The following DOCK3 variants were observed in gnomAD, a reference collection of about 807,000 sequenced individuals.
The protein encoded by DOCK3 is dedicator of cytokinesis 3.
Under a neutral mutation model 265.6 loss-of-function variants are expected in DOCK3, and 60 were observed. That is an observed-to-expected ratio of 0.23 (90% confidence interval 0.18 to 0.28). DOCK3 has a LOEUF of 0.28. DOCK3 is among the 10% of genes least tolerant of loss of function. The pLI is 1.00. For synonymous variants in DOCK3, 881 were observed against 938.0 expected (o/e 0.94, Z 1.11); for missense variants, 1,981 against 2,594.3 (o/e 0.76, Z 5.14).
At chr3:51,375,567 C>A (rs2088040925) in intron 50 of DOCK3, among the ~76,000 whole-genome samples, 181 bp from the exon 51 acceptor site, 1 of 152,144 alleles carries the variant, frequency 6.6e-6, no homozygotes, top group African/African-American at 2.4e-5. Context: ...AACCAGACAC[C>A]CTGGACAGTC....
intron 22 of DOCK3, among the ~76,000 whole-genome samples, chr3:51,259,666 A>G (rs1560302818): frequency 6.6e-6 from 1 of 152,198 alleles, no homozygotes; most frequent in Non-Finnish European, 1.5e-5. Context: ...CTGGTGAAAA[A>G]GGAGGAACTG....
At chr3:50,889,719 C>T (rs2048552466) in intron 3 of DOCK3, among the ~76,000 whole-genome samples, 1 of 151,982 alleles carries the variant, frequency 6.6e-6, no homozygotes, top group Admixed American at 6.6e-5. Flanking sequence ...GTACACAATA[C>T]TGTTTCTGGA....
At chr3:51,309,355 G>A (rs575318074) in intron 27 of DOCK3, among the ~76,000 whole-genome samples, 1 of 152,352 alleles carries the variant, frequency 6.6e-6, no homozygotes, top group Non-Finnish European at 1.5e-5. Context: ...GCCGAGGCTG[G>A]CGGATCACTT....
intron 12 of DOCK3, among the ~76,000 whole-genome samples, chr3:51,206,912 TG>T (rs2089245819): frequency 6.6e-6 from 1 of 152,172 alleles, no homozygotes; most frequent in Non-Finnish European, 1.5e-5. Flanking sequence ...TGGTGAATGC[TG>T]GAAGGGTATA....
Position 51,012,176 on chromosome 3 carries a change from C to A in DOCK3, c.316-52272C>A, listed in dbSNP as rs573898166. On this transcript the variant is annotated intron_variant, in intron 5 of 52. Coordinates refer to ENST00000266037, the MANE Select transcript of DOCK3 (RefSeq NM_004947.5). ...TGTCAGACAGGGACATTTAAGTCTGCAGAGGTTTCTGCTGCCTTTTGTTCA... is the reference window on the plus strand; with the variant it reads ...TGTCAGACAGGGACATTTAAGTCTGAAGAGGTTTCTGCTGCCTTTTGTTCA... 2.0e-5 allele frequency among the ~76,000 whole-genome samples: 3 copies of A among 152,268 alleles called. No homozygotes were observed. The East Asian group carries it at 5.8e-4, about 29-fold the overall frequency.
chr3:51,258,863 T>C (rs964428722), intron 22 of DOCK3, among the ~76,000 whole-genome samples: 16 of 152,216 alleles, frequency 1.1e-4, no homozygotes, highest in African/African-American at 3.9e-4. Context: ...ACATTTATTT[T>C]CTTTGTTCCG....
chr3:51,138,449 A>G (rs1035190750), intron 9 of DOCK3, among the ~76,000 whole-genome samples: 8 of 152,242 alleles, frequency 5.3e-5, no homozygotes, highest in African/African-American at 1.7e-4. Context: ...AGGTGAAACT[A>G]GAGTATGAAA....
At chr3:51,223,619 T>G (rs1466749675) in intron 14 of DOCK3, among the ~76,000 whole-genome samples, 5 of 152,332 alleles carry the variant, frequency 3.3e-5, no homozygotes, top group African/African-American at 1.2e-4. Flanking sequence ...AAGTATTACT[T>G]AAATTCCATA....
chr3:51,174,471 A>AAAATAAATAAAT (rs372524349), intron 12 of DOCK3, among the ~76,000 whole-genome samples: 32 of 150,218 alleles, frequency 2.1e-4, no homozygotes, highest in African/African-American at 7.7e-4. Flanking sequence ...TCTTGTCTCA[A>AAAATAAATAAAT]AAATAAATAA....
chr3:51,150,352 T>A (rs1444136272), intron 10 of DOCK3, among the ~76,000 whole-genome samples: 1 of 152,222 alleles, frequency 6.6e-6, no homozygotes. Flanking sequence ...TCTGCTCTGA[T>A]CTCAGTTATT....
intron 3 of DOCK3, among the ~76,000 whole-genome samples, chr3:50,853,665 G>C (rs1246370434): frequency 6.6e-6 from 1 of 152,014 alleles, no homozygotes; most frequent in African/African-American, 2.4e-5. Context: ...TGCCTGCTTA[G>C]TATTTCATGT....
chr3:50,883,107 G>C (rs111319935), intron 3 of DOCK3, among the ~76,000 whole-genome samples: 103 of 152,228 alleles, frequency 6.8e-4, no homozygotes, highest in African/African-American at 2.4e-3. Flanking sequence ...TCACACACCA[G>C]GGCCTGTCGT....
intron 1 of DOCK3, among the ~76,000 whole-genome samples, chr3:50,759,671 TAAAA>T (rs35332441): frequency 4.2e-5 from 5 of 118,698 alleles, no homozygotes; most frequent in Non-Finnish European, 5.1e-5. Flanking sequence ...ACCCCGTCTC[TAAAA>T]AAAAAAAAAA....
chr3:50,881,494 A>G (rs1351637267), intron 3 of DOCK3, among the ~76,000 whole-genome samples: 2 of 152,248 alleles, frequency 1.3e-5, no homozygotes, highest in African/African-American at 2.4e-5. Flanking sequence ...GAGCCAAATC[A>G]TGAGTGAACT....
At chr3:51,106,623 A>C (rs1576097574) in intron 9 of DOCK3, among the ~76,000 whole-genome samples, 1 of 152,318 alleles carries the variant, frequency 6.6e-6, no homozygotes, top group East Asian at 1.9e-4. Flanking sequence ...GCATAAAACT[A>C]GGCATGGAAA....
rs2046147146 is a variant in DOCK3, at chr3:50,847,649, T to C, written c.162+5934T>C. On this transcript the variant is annotated intron_variant, in intron 3 of 52. Transcript: ENST00000266037. The stretch of plus-strand genomic sequence containing the variant: ...CTGTAATTCTAGCACTTTGGGAGGC[T>C]GAGGTGGGCAGATCATTTGTGGCCA... Among the ~76,000 whole-genome samples, 3 of 152,134 alleles carry C rather than the reference T, an allele frequency of 2.0e-5. No individual in the cohort carries two copies. In the South Asian group the frequency reaches 6.2e-4, roughly 32 times the overall value.
At chr3:50,884,835 A>G (rs765790528) in intron 3 of DOCK3, among the ~76,000 whole-genome samples, 2 of 152,018 alleles carry the variant, frequency 1.3e-5, no homozygotes, top group African/African-American at 2.4e-5. Context: ...CCTATTATTA[A>G]TATCCTGCAT....
chr3:50,828,585 A>G (rs898600467), intron 2 of DOCK3, among the ~76,000 whole-genome samples: 2 of 151,534 alleles, frequency 1.3e-5, no homozygotes, highest in African/African-American at 4.9e-5. Flanking sequence ...TCATATTTTT[A>G]GTAGAGATGG....
At chr3:51,239,786 G>T (rs1000873205) in intron 21 of DOCK3, among the ~76,000 whole-genome samples, 1 of 151,722 alleles carries the variant, frequency 6.6e-6, no homozygotes, top group African/African-American at 2.4e-5. Flanking sequence ...TATTTCTGTG[G>T]GGTCAAAGGG....
Sources: gnomAD v4.1 joint callset for allele counts (sites outside exome capture counted in the v4.1 genomes callset) on GRCh38, gnomAD v4.1.1 for gene constraint, MANE v1.5 for transcripts, NCBI Gene and HGNC (gene_info 2026-07-23, HGNC 2026-07-21) for gene names.